The following PCDHA2 variants were observed in gnomAD, a reference collection of about 807,000 sequenced individuals.
PCDHA2 encodes protocadherin alpha-2.
A neutral mutation model predicts 66.0 loss-of-function variants in PCDHA2; 58 were observed. The observed-to-expected ratio is 0.88, with a 90% CI of 0.71 to 1.09. The LOEUF (loss-of-function observed/expected upper bound fraction) is 1.09. Ranked by LOEUF, PCDHA2 falls within the 50% of genes least tolerant of loss-of-function variation. The pLI is 0.00. For missense variants in PCDHA2, 1,267 were observed against 1,242.3 expected (o/e 1.02, Z -0.30); for synonymous variants, 634 against 554.0 (o/e 1.14, Z -2.03).
intron 3 of PCDHA2, among the ~76,000 whole-genome samples, chr5:141,002,081 G>T (rs1016567220): frequency 3.3e-5 from 5 of 152,220 alleles, no homozygotes; most frequent in South Asian, 2.1e-4. Flanking sequence ...GCCAAAGAAC[G>T]AGCAGTCCAG....
At chr5:140,809,431 G>C (rs782243123) in intron 1 of PCDHA2, 2 of 1,614,226 alleles carry the variant, frequency 1.2e-6, no homozygotes, top group Non-Finnish European at 1.7e-6. Context: ...TGGGGAGCTG[G>C]TCATACTCGC....
chr5:141,005,463 G>A (rs2098214977), intron 3 of PCDHA2, among the ~76,000 whole-genome samples: 1 of 151,944 alleles, frequency 6.6e-6, no homozygotes. Context: ...CAGCACTTTG[G>A]GAGGCCGAGA....
At chr5:140,823,024 G>A (rs2150121461) in intron 1 of PCDHA2, 3 of 1,614,202 alleles carry the variant, frequency 1.9e-6, no homozygotes, top group Admixed American at 1.7e-5. Context: ...CCGCGAGAGC[G>A]TGTCGGTCTA....
At chr5:140,950,778 G>C (rs537312607) in intron 1 of PCDHA2, among the ~76,000 whole-genome samples, 3 of 152,030 alleles carry the variant, frequency 2.0e-5, no homozygotes, top group Admixed American at 1.3e-4. Flanking sequence ...CATACATATG[G>C]TACTTTTTAA....
Position 140,796,479 on chromosome 5 carries a change from G to C in PCDHA2, c.1515G>C (p.Ser505=), listed in dbSNP as rs139738142. Residue 505 remains serine (S), a synonymous_variant, in exon 1 of 4, where the codon TCG becomes TCC. Transcript: ENST00000526136. ...GGCGGGTGGGCGAGCGCGCGTTGTC[G>C]AGCTACGTTTCGGTGCACGCGGAGA... is the stretch of plus-strand genomic sequence containing the variant. ...VERRVGERAL[S]SYVSVHAESG... 4.3e-6 allele frequency: 7 copies of C among 1,612,270 alleles called. No individual in the cohort carries two copies. In the East Asian group the frequency reaches 6.7e-5, roughly 15 times the overall value.
Position 140,796,444 on chromosome 5 carries a change from C to T in PCDHA2, c.1480C>T (p.Leu494=), listed in dbSNP as rs781802286. 3.1e-6 allele frequency: 5 copies of T among 1,613,224 alleles called. No homozygotes were observed. The African/African-American group carries it at 6.7e-5, about 22-fold the overall frequency. ...GGAGAACGCGCTGGTGTCCTACTCG[C>T]TGGTGGAGCGGCGGGTGGGCGAGCG... ...AQENALVSYS[L]VERRVGERAL... The change falls in exon 1 of 4, where the codon CTG becomes TTG. Residue 494 remains leucine, a synonymous_variant. Transcript: ENST00000526136.
At position 140,811,987 on chromosome 5, in the gene PCDHA2, T is replaced by C. The variant is rs146475516; in HGVS notation, c.2388+14635T>C. 1.7e-3 allele frequency: 218 copies of C among 130,412 alleles called. 1 individual carries two copies. Among genetic ancestry groups the C allele is most frequent in the African/African-American group, 6.4e-3 (204 of 32,038 alleles). The allele number at this position is 130,412 out of a possible 1,614,324, so 8.1% of individuals were successfully genotyped here. A position where few individuals can be genotyped will look rare whatever the true frequency, so the allele number is the denominator to read the frequency against. Reference sequence around the variant, plus strand: ...CTGATTGTAGTTTCTTTTGAAGATTTATTTTTTACTACCATTTTTTTGTTG... The same window carrying C: ...CTGATTGTAGTTTCTTTTGAAGATTCATTTTTTACTACCATTTTTTTGTTG... On this transcript the variant is annotated intron_variant, in intron 1 of 3. Coordinates refer to ENST00000526136, the MANE Select transcript of PCDHA2 (RefSeq NM_018905.3).
chr5:140,857,004 T>C (rs1554149409), intron 1 of PCDHA2: 1 of 1,595,634 alleles, frequency 6.3e-7, no homozygotes, highest in Non-Finnish European at 8.6e-7. Context: ...GAAATTCATG[T>C]AGATGTTACA....
chr5:140,803,384 A>T lies in PCDHA2; in HGVS notation c.2388+6032A>T, dbSNP rs782777686. On this transcript the variant is annotated intron_variant, in intron 1 of 3. Transcript: ENST00000526136. Reference sequence around the variant, plus strand: ...TGCGGTGCTCCGCGCCGCCAACCGAAGGCGACTGTGGGCCGGGCAAGCCCA... The same window carrying T: ...TGCGGTGCTCCGCGCCGCCAACCGATGGCGACTGTGGGCCGGGCAAGCCCA... The T allele has an allele frequency of 1.9e-6, 3 of 1,614,208 alleles. No individual in the cohort carries two copies. The highest frequency in any genetic ancestry group is 1.7e-5 in the Admixed American group (1 of 60,036).
In PCDHA2 at chr5:140,883,748, C is replaced by T. The variant is rs782541066; in HGVS notation, c.2388+86396C>T. The T allele has an allele frequency of 4.3e-6, 7 of 1,613,146 alleles. No individual in the cohort carries two copies. The East Asian group carries it at 1.6e-4, about 36-fold the overall frequency. On this transcript the variant is annotated intron_variant, in intron 1 of 3. Transcript: ENST00000526136. ...GGAGAACGCGCTGGTCTCCTACTCG[C>T]TGGTGGAGCGGCGGGTGGGCGAGCG... is the stretch of plus-strand genomic sequence containing the variant.
chr5:140,871,873 A>G (rs529401892), intron 1 of PCDHA2, among the ~76,000 whole-genome samples: 44 of 152,336 alleles, frequency 2.9e-4, no homozygotes, highest in African/African-American at 1.0e-3. Flanking sequence ...GATTATTTAA[A>G]TTTGCTCCTC....
chr5:140,997,557 A>G lies in PCDHA2; in HGVS notation c.2537-12070A>G, dbSNP rs1392974918. On this transcript the variant is annotated intron_variant, in intron 3 of 3. Coordinates refer to ENST00000526136, the MANE Select transcript of PCDHA2 (RefSeq NM_018905.3). ...TACATTATTATAATCTTACAGGACA[A>G]CTGTCATATGTGTGGTCCGTTGTTG... is the stretch of plus-strand genomic sequence containing the variant. Among the ~76,000 whole-genome samples, 15 of 152,262 alleles carry G rather than the reference A, an allele frequency of 9.9e-5. No individual in the cohort carries two copies. In the South Asian group the frequency reaches 1.2e-3, roughly 13 times the overall value.
chr5:140,897,727 T>G (rs1468942464), intron 1 of PCDHA2, among the ~76,000 whole-genome samples: 1 of 152,148 alleles, frequency 6.6e-6, no homozygotes, highest in Non-Finnish European at 1.5e-5. Context: ...CTGGGTCAAA[T>G]AGTATTTCTA....
At chr5:140,857,886 C>T in intron 1 of PCDHA2, 1 of 1,597,776 alleles carries the variant, frequency 6.3e-7, no homozygotes. Context: ...TTGCAGTCGG[C>T]GGCGGTTGGT....
At chr5:140,966,747 C>T (rs2096048243) in intron 1 of PCDHA2, 3 of 1,426,904 alleles carry the variant, frequency 2.1e-6, no homozygotes, top group Admixed American at 5.5e-5. Flanking sequence ...GCCCGGCTGC[C>T]TCCGCCGCGG....
intron 1 of PCDHA2, among the ~76,000 whole-genome samples, chr5:140,886,682 G>A (rs181377286): frequency 6.6e-6 from 1 of 151,618 alleles, no homozygotes. Context: ...AAAAATTAGC[G>A]AGGCATGGTG....
In PCDHA2 at chr5:140,862,537, C is replaced by A. The variant is rs56017024; in HGVS notation, c.2388+65185C>A. The A allele has an allele frequency of 9.8e-3, 4,308 of 440,540 alleles. 34 individuals carry two copies. The highest frequency in any genetic ancestry group is 0.014 in the Non-Finnish European group (3,070 of 217,342). The allele number at this position is 440,540 out of a possible 1,614,324, so 27.3% of individuals were successfully genotyped here. A position where few individuals can be genotyped will look rare whatever the true frequency, so the allele number is the denominator to read the frequency against. On this transcript the variant is annotated intron_variant, in intron 1 of 3. Transcript: ENST00000526136. The stretch of plus-strand genomic sequence containing the variant: ...CATTGTTGGCCACAGCCATCGGGTC[C>A]GTGGAAGTGGCCGAACAGTGAACCA...
In PCDHA2 at chr5:140,959,884, G is replaced by A. The variant is rs141989766; in HGVS notation, c.2389-19065G>A. On this transcript the variant is annotated intron_variant, in intron 1 of 3. Coordinates refer to ENST00000526136, the MANE Select transcript of PCDHA2 (RefSeq NM_018905.3). ...TAGCAAAATCTGTCAAGGAATACAC[G>A]AGTGGGATTTATATCAGAAAAATCA... Among the ~76,000 whole-genome samples, 570 of 152,254 alleles carry A rather than the reference G, an allele frequency of 3.7e-3. 1 individual carries two copies. The highest frequency in any genetic ancestry group is 6.9e-3 in the Non-Finnish European group (471 of 68,018).
At chr5:140,797,673 G>A (rs1172910393) in intron 1 of PCDHA2, among the ~76,000 whole-genome samples, 1 of 152,062 alleles carries the variant, frequency 6.6e-6, no homozygotes, top group African/African-American at 2.4e-5. Flanking sequence ...CTTAAAAATT[G>A]AAAATCACAA....
Sources: allele counts gnomAD v4.1 joint callset (sites outside exome capture counted in the v4.1 genomes callset), GRCh38; gene constraint gnomAD v4.1.1; transcripts MANE v1.5; gene names NCBI Gene and HGNC (gene_info 2026-07-23, HGNC 2026-07-21).